Variants in CNTNAP2 observed in about 807,000 individuals in gnomAD.
The protein encoded by CNTNAP2 is contactin-associated protein-like 2.
Under a neutral mutation model 155.2 loss-of-function variants are expected in CNTNAP2, and 98 were observed. The observed-to-expected ratio is 0.63, with a 90% CI of 0.54 to 0.75. CNTNAP2 has a LOEUF of 0.75. Among genes scored for constraint, CNTNAP2 ranks in the 30% least tolerant of loss-of-function variants. The pLI is 0.00. For synonymous variants in CNTNAP2, 651 were observed against 631.2 expected (o/e 1.03, Z -0.47); for missense variants, 1,727 against 1,688.1 (o/e 1.02, Z -0.40).
At chr7:146,204,517 C>A (rs1476999153) in intron 1 of CNTNAP2, among the ~76,000 whole-genome samples, 1 of 151,976 alleles carries the variant, frequency 6.6e-6, no homozygotes, top group African/African-American at 2.4e-5. Context: ...CAAACAGAAA[C>A]AACAGTAGAA....
chr7:146,447,586 T>A (rs1796420293), intron 1 of CNTNAP2, among the ~76,000 whole-genome samples: 1 of 152,062 alleles, frequency 6.6e-6, no homozygotes, highest in Non-Finnish European at 1.5e-5. Flanking sequence ...TATGCATTGT[T>A]ATAAAATATG....
chr7:147,134,634 T>G (rs1801442725), intron 8 of CNTNAP2, among the ~76,000 whole-genome samples: 1 of 151,928 alleles, frequency 6.6e-6, no homozygotes, highest in South Asian at 2.1e-4. Context: ...ATTCATTCAT[T>G]CAATCTAAAA....
chr7:146,619,413 G>T lies in CNTNAP2; in HGVS notation c.98-154858G>T, dbSNP rs997163646. 8.5e-5 allele frequency among the ~76,000 whole-genome samples: 13 copies of T among 152,058 alleles called. No individual in the cohort carries two copies. In the East Asian group the frequency reaches 1.9e-3, roughly 23 times the overall value. On this transcript the variant is annotated intron_variant, in intron 1 of 23. Transcript: ENST00000361727. ...GAGAGGTGGGAGAGGGTTAAAATTT[G>T]TTATTAATATTAACTGCCTATATGA...
At chr7:146,340,519 T>C (rs2129096460) in intron 1 of CNTNAP2, among the ~76,000 whole-genome samples, 1 of 152,176 alleles carries the variant, frequency 6.6e-6, no homozygotes, top group East Asian at 1.9e-4. Context: ...TTAAAAATAG[T>C]ATAAATATGT....
chr7:146,395,871 A>T (rs188929111), intron 1 of CNTNAP2, among the ~76,000 whole-genome samples: 1 of 151,634 alleles, frequency 6.6e-6, no homozygotes, highest in Admixed American at 6.6e-5. Flanking sequence ...ATGGACAGGT[A>T]TGTAGTTTCA....
intron 3 of CNTNAP2, among the ~76,000 whole-genome samples, chr7:146,921,655 G>A (rs1488110290): frequency 6.6e-6 from 1 of 152,064 alleles, no homozygotes; most frequent in Non-Finnish European, 1.5e-5. Context: ...CAGTATTGGG[G>A]AAATCACCTC....
chr7:148,143,986 GCCT>G (rs2116647681), intron 16 of CNTNAP2, among the ~76,000 whole-genome samples: 1 of 152,288 alleles, frequency 6.6e-6, no homozygotes, highest in Non-Finnish European at 1.5e-5. Context: ...CATCCTGTGG[GCCT>G]TGGGTAGGGC....
intron 13 of CNTNAP2, among the ~76,000 whole-genome samples, chr7:147,772,408 AAT>A (rs1554432776): frequency 3.0e-5 from 4 of 133,164 alleles, no homozygotes; most frequent in Non-Finnish European, 4.7e-5. Context: ...TAAAAAAAAA[AAT>A]ATATATATAT....
At chr7:146,583,057 T>G (rs1473295796) in intron 1 of CNTNAP2, among the ~76,000 whole-genome samples, 1 of 152,036 alleles carries the variant, frequency 6.6e-6, no homozygotes, top group Non-Finnish European at 1.5e-5. Context: ...GTTGCAGAAA[T>G]GCGTTATCCC....
At chr7:147,534,302 T>C (rs1370049400) in intron 11 of CNTNAP2, among the ~76,000 whole-genome samples, 1 of 152,168 alleles carries the variant, frequency 6.6e-6, no homozygotes, top group Non-Finnish European at 1.5e-5. Flanking sequence ...GGTGCTGAGG[T>C]TGAGAAACCT....
At chr7:146,391,023 C>T (rs1212034390) in intron 1 of CNTNAP2, among the ~76,000 whole-genome samples, 7 of 139,262 alleles carry the variant, frequency 5.0e-5, no homozygotes, top group Admixed American at 1.5e-4. Context: ...GCCGAGATCG[C>T]GCCACTGCAC....
At chr7:146,616,281 T>C (rs574721048) in intron 1 of CNTNAP2, among the ~76,000 whole-genome samples, 1 of 152,304 alleles carries the variant, frequency 6.6e-6, no homozygotes, top group Admixed American at 6.5e-5. Flanking sequence ...AGGATTCTTT[T>C]GAAACGACTT....
In CNTNAP2 at chr7:147,315,235, C is replaced by T. The variant is rs567794726; in HGVS notation, c.1498+14945C>T. 4.0e-5 allele frequency among the ~76,000 whole-genome samples: 6 copies of T among 150,378 alleles called. No individual in the cohort carries two copies. In the East Asian group the frequency reaches 1.2e-3, roughly 29 times the overall value. ...TCTTTTTTTCTTATCATTTTATTGG[C>T]CAAGAAATCATATGCTATAAAATTC... On this transcript the variant is annotated intron_variant, in intron 9 of 23. Transcript: ENST00000361727.
At chr7:147,707,030 C>T (rs1563059808) in intron 13 of CNTNAP2, among the ~76,000 whole-genome samples, 1 of 151,946 alleles carries the variant, frequency 6.6e-6, no homozygotes. Flanking sequence ...CATTCATATT[C>T]TGAATTTTTT....
rs192996342 is a variant in CNTNAP2, at chr7:146,763,049, G to A, written c.98-11222G>A. 7.9e-5 allele frequency among the ~76,000 whole-genome samples: 12 copies of A among 152,124 alleles called. No homozygotes were observed. The East Asian group carries it at 2.1e-3, about 27-fold the overall frequency. Reference sequence around the variant, plus strand: ...ATTATGGGAGCTACAATTCAGATGCGATTTGGGTTGGGACACTGCTAAACC... The same window carrying A: ...ATTATGGGAGCTACAATTCAGATGCAATTTGGGTTGGGACACTGCTAAACC... On this transcript the variant is annotated intron_variant, in intron 1 of 23. Coordinates refer to ENST00000361727, the MANE Select transcript of CNTNAP2 (RefSeq NM_014141.6).
chr7:147,151,213 T>C (rs1412851958), intron 8 of CNTNAP2, among the ~76,000 whole-genome samples: 1 of 152,204 alleles, frequency 6.6e-6, no homozygotes, highest in African/African-American at 2.4e-5. Context: ...GCTTTATTTT[T>C]AAACTCCTAT....
intron 11 of CNTNAP2, among the ~76,000 whole-genome samples, chr7:147,492,874 T>G (rs573946596): frequency 6.6e-6 from 1 of 152,294 alleles, no homozygotes; most frequent in South Asian, 2.1e-4. Flanking sequence ...CGCTCCTCTG[T>G]GCTATCTTGG....
intron 3 of CNTNAP2, among the ~76,000 whole-genome samples, chr7:147,033,426 C>T (rs931393198): frequency 1.3e-5 from 2 of 151,458 alleles, no homozygotes; most frequent in Admixed American, 6.6e-5. Flanking sequence ...ATAATTATAA[C>T]GACATCCCCC....
At chr7:148,135,869 G>A (rs900036516) in intron 16 of CNTNAP2, among the ~76,000 whole-genome samples, 1 of 129,598 alleles carries the variant, frequency 7.7e-6, no homozygotes, top group African/African-American at 3.0e-5. Context: ...GGGAGGGGAG[G>A]GGGGGAAGGG....
Sources: gnomAD v4.1 joint callset for allele counts (sites outside exome capture counted in the v4.1 genomes callset) on GRCh38, gnomAD v4.1.1 for gene constraint, MANE v1.5 for transcripts, NCBI Gene and HGNC (gene_info 2026-07-23, HGNC 2026-07-21) for gene names.